The following PALLD variants were observed in gnomAD, a reference collection of about 807,000 sequenced individuals.
PALLD encodes the protein palladin.
In PALLD, 61 loss-of-function variants were observed where a neutral mutation model predicts 123.5. That is an observed-to-expected ratio of 0.49 (90% CI 0.40 to 0.61). The LOEUF (loss-of-function observed/expected upper bound fraction) is 0.61. PALLD is among the 20% of genes least tolerant of loss of function. The pLI, the probability that PALLD is intolerant of heterozygous loss-of-function variation, is 0.00. For missense variants in PALLD, 1,273 were observed against 1,377.0 expected (o/e 0.92, Z 1.20); for synonymous variants, 465 against 496.4 (o/e 0.94, Z 0.84).
intron 10 of PALLD, among the ~76,000 whole-genome samples, chr4:168,757,345 T>C (rs546469162): frequency 6.6e-6 from 1 of 152,350 alleles, no homozygotes; most frequent in African/African-American, 2.4e-5. Flanking sequence ...CCTGAAAGGC[T>C]AAATTGTGAA....
chr4:168,873,803 C>T (rs1234570877), intron 10 of PALLD, among the ~76,000 whole-genome samples: 1 of 152,170 alleles, frequency 6.6e-6, no homozygotes, highest in Non-Finnish European at 1.5e-5. Context: ...TGGGGATAAC[C>T]ATCCCTGCCT....
chr4:168,844,084 C>G lies in PALLD; in HGVS notation c.1965-46838C>G, dbSNP rs1007679986. 3 of 152,216 alleles carry G rather than the reference C, an allele frequency of 2.0e-5. No individual in the cohort carries two copies. Among genetic ancestry groups the G allele is most frequent in the African/African-American group, 7.2e-5 (3 of 41,458 alleles). 9.4% of individuals were successfully genotyped at this position (152,216 alleles called of 1,614,324 possible). A position where few individuals can be genotyped will look rare whatever the true frequency, so the allele number is the denominator to read the frequency against. ...ACAAGGATGCTGTTAGGTTGTCTAT[C>G]TACTCTGAATCCCTACTTAGGAGGA... On this transcript the variant is annotated intron_variant, in intron 10 of 21. Coordinates refer to ENST00000505667, the MANE Select transcript of PALLD (RefSeq NM_001166108.2). This position sits in a 1 kb window ranked among gnomAD's most constrained non-coding sequence, Gnocchi z 4.5.
chr4:168,895,335 T>C (rs977892913), intron 12 of PALLD, among the ~76,000 whole-genome samples: 8 of 152,118 alleles, frequency 5.3e-5, no homozygotes, highest in Non-Finnish European at 1.2e-4. Context: ...TGAGCTGAGG[T>C]TGTACCACTG....
intron 8 of PALLD, among the ~76,000 whole-genome samples, chr4:168,694,555 C>T (rs556727091): frequency 1.3e-5 from 2 of 152,150 alleles, no homozygotes; most frequent in South Asian, 4.2e-4. Context: ...TTACTCTCTT[C>T]TCTTTACTCT....
chr4:168,778,372 A>G (rs1365866022), intron 10 of PALLD, among the ~76,000 whole-genome samples: 4 of 152,216 alleles, frequency 2.6e-5, no homozygotes, highest in Non-Finnish European at 5.9e-5. Context: ...GGTTTAAGAC[A>G]GATAGATGAA....
At chr4:168,750,385 TC>T (rs1730902505) in intron 10 of PALLD, among the ~76,000 whole-genome samples, 1 of 152,222 alleles carries the variant, frequency 6.6e-6, no homozygotes, top group Admixed American at 6.5e-5. Context: ...GCATAGTATC[TC>T]ATGGTGTGTA....
intron 10 of PALLD, among the ~76,000 whole-genome samples, chr4:168,744,047 C>T (rs999079308): frequency 6.6e-6 from 1 of 152,074 alleles, no homozygotes; most frequent in Non-Finnish European, 1.5e-5. Flanking sequence ...GAAAAGGGGT[C>T]GGGGGAGAGC....
intron 2 of PALLD, among the ~76,000 whole-genome samples, chr4:168,628,232 T>C (rs1775481550): frequency 6.6e-6 from 1 of 152,214 alleles, no homozygotes; most frequent in African/African-American, 2.4e-5. Flanking sequence ...TCTGATTGAA[T>C]AAATCGTGGT....
At chr4:168,717,278 G>T (rs1785455043) in intron 10 of PALLD, among the ~76,000 whole-genome samples, 1 of 152,086 alleles carries the variant, frequency 6.6e-6, no homozygotes, top group Non-Finnish European at 1.5e-5. Flanking sequence ...GAACAAAAAA[G>T]AGGAAAAGAA....
chr4:168,904,822 C>G (rs1036891090), intron 15 of PALLD, among the ~76,000 whole-genome samples: 1 of 152,092 alleles, frequency 6.6e-6, no homozygotes, highest in East Asian at 1.9e-4. Context: ...AATGACACTA[C>G]AAACTTTTAA....
intron 2 of PALLD, among the ~76,000 whole-genome samples, chr4:168,572,046 T>A (rs1769046901): frequency 6.6e-6 from 1 of 152,112 alleles, no homozygotes; most frequent in Non-Finnish European, 1.5e-5. Flanking sequence ...TTGGCCCTTG[T>A]AATACCTGAA....
chr4:168,822,605 G>T (rs995555125), intron 10 of PALLD, among the ~76,000 whole-genome samples: 1 of 152,128 alleles, frequency 6.6e-6, no homozygotes, highest in Non-Finnish European at 1.5e-5. Flanking sequence ...CCTTTTAAGG[G>T]TATCCAAATG....
At chr4:168,859,576 A>G (rs1054232200) in intron 10 of PALLD, among the ~76,000 whole-genome samples, 1 of 152,216 alleles carries the variant, frequency 6.6e-6, no homozygotes. Flanking sequence ...ACTTTTTGCC[A>G]CTATCATGGA....
intron 2 of PALLD, among the ~76,000 whole-genome samples, chr4:168,564,707 C>T (rs910806678): frequency 3.9e-5 from 6 of 152,046 alleles, no homozygotes; most frequent in African/African-American, 9.7e-5. Context: ...TATATATGCA[C>T]AAAATGAATT....
chr4:168,882,814 G>A lies in PALLD; in HGVS notation c.1965-8108G>A, dbSNP rs1009350582. The stretch of plus-strand genomic sequence containing the variant: ...GGGCAGCTCAAAATCAGACCTGTAC[G>A]GCTGTGTACCAAGTTGTACAGAATG... On this transcript the variant is annotated intron_variant, in intron 10 of 21. Coordinates refer to ENST00000505667, the MANE Select transcript of PALLD (RefSeq NM_001166108.2). Among the ~76,000 whole-genome samples, 8 of 152,204 alleles carry A rather than the reference G, an allele frequency of 5.3e-5. No individual in the cohort carries two copies. The East Asian group carries it at 9.6e-4, about 18-fold the overall frequency.
At chr4:168,838,667 CTTTTTTT>C (rs70961558) in intron 10 of PALLD, among the ~76,000 whole-genome samples, 9,746 of 88,298 alleles carry the variant, frequency 0.11, 359 homozygotes, top group East Asian at 0.17. Flanking sequence ...CTTCTAACTC[CTTTTTTT>C]TTTTTTTTTT....
At chr4:168,852,632 G>A (rs1443508846) in intron 10 of PALLD, among the ~76,000 whole-genome samples, 3 of 152,194 alleles carry the variant, frequency 2.0e-5, no homozygotes, top group Admixed American at 2.0e-4. Context: ...AACAGAGTGA[G>A]ACCCTGTCTC....
intron 15 of PALLD, among the ~76,000 whole-genome samples, chr4:168,905,304 T>C (rs1180272010): frequency 1.3e-5 from 2 of 151,034 alleles, no homozygotes; most frequent in African/African-American, 4.9e-5. Context: ...GCACCCACCA[T>C]GCCCGGCTAA....
intron 8 of PALLD, among the ~76,000 whole-genome samples, chr4:168,707,924 A>G (rs926648476): frequency 1.3e-5 from 2 of 152,196 alleles, no homozygotes; most frequent in African/African-American, 4.8e-5. Context: ...TACTCTAGAT[A>G]TAGCTTCCTT....
Sources: gnomAD v4.1 joint callset for allele counts (sites outside exome capture counted in the v4.1 genomes callset) on GRCh38, gnomAD v4.1.1 for gene constraint, Gnocchi (gnomAD v3.1) non-coding constraint, MANE v1.5 for transcripts, NCBI Gene and HGNC (gene_info 2026-07-23, HGNC 2026-07-21) for gene names.